PTPRK: variants seen among roughly 807,000 people sequenced by gnomAD.
The protein encoded by PTPRK is receptor-type tyrosine-protein phosphatase kappa.
A neutral mutation model predicts 178.0 loss-of-function variants in PTPRK; 75 were observed. The observed-to-expected ratio is 0.42, with a 90% confidence interval of 0.35 to 0.51. The LOEUF is 0.51. PTPRK is among the 20% of genes least tolerant of loss of function. PTPRK has a pLI of 0.02. For synonymous variants in PTPRK, 637 were observed against 620.6 expected (o/e 1.03, Z -0.39); for missense variants, 1,441 against 1,797.8 (o/e 0.80, Z 3.59).
At chr6:128,028,694 T>C (rs1232251575) in intron 13 of PTPRK, among the ~76,000 whole-genome samples, 2 of 152,226 alleles carry the variant, frequency 1.3e-5, no homozygotes, top group Non-Finnish European at 2.9e-5. Flanking sequence ...CTTGAGAGCA[T>C]GGAACATATC....
chr6:128,502,315 A>G (rs1020167253), intron 1 of PTPRK, among the ~76,000 whole-genome samples: 1 of 152,174 alleles, frequency 6.6e-6, no homozygotes, highest in Non-Finnish European at 1.5e-5. Flanking sequence ...AAACAGAAAA[A>G]CAGTCTTCTT....
chr6:128,493,645 C>CAG (rs1562636221), intron 1 of PTPRK, among the ~76,000 whole-genome samples: 3 of 126,440 alleles, frequency 2.4e-5, no homozygotes, highest in African/African-American at 5.6e-5. Context: ...CACACACACA[C>CAG]AGAAACAACT....
At chr6:128,029,646 A>ATAATAG (rs1774943835) in intron 13 of PTPRK, among the ~76,000 whole-genome samples, 1 of 129,772 alleles carries the variant, frequency 7.7e-6, no homozygotes, top group Non-Finnish European at 1.6e-5. Flanking sequence ...CAAAATAATA[A>ATAATAG]TAATAATAAT....
intron 15 of PTPRK, among the ~76,000 whole-genome samples, chr6:128,001,661 A>C (rs1287720586): frequency 6.6e-6 from 1 of 151,784 alleles, no homozygotes. Context: ...TTATAATAAA[A>C]CCCCATGAAA....
intron 6 of PTPRK, among the ~76,000 whole-genome samples, chr6:128,197,755 A>C (rs185286245): frequency 7.2e-5 from 11 of 152,158 alleles, no homozygotes; most frequent in Admixed American, 5.2e-4. Context: ...TACGGTAGAC[A>C]ACAAAAAGAA....
chr6:128,448,920 C>A (rs1847390306), intron 1 of PTPRK, among the ~76,000 whole-genome samples: 1 of 152,140 alleles, frequency 6.6e-6, no homozygotes, highest in South Asian at 2.1e-4. Flanking sequence ...AGCACAATGG[C>A]ATGATCTCGG....
At chr6:128,507,081 G>T (rs1218377061) in intron 1 of PTPRK, among the ~76,000 whole-genome samples, 3 of 152,074 alleles carry the variant, frequency 2.0e-5, no homozygotes, top group Non-Finnish European at 4.4e-5. Context: ...GTCAGATCAT[G>T]TAGTAAAAAC....
chr6:128,064,655 T>C lies in PTPRK; in HGVS notation c.2194+103A>G, dbSNP rs1039135561. 6 of 1,441,844 alleles carry C rather than the reference T, an allele frequency of 4.2e-6. No individual in the cohort carries two copies. The Admixed American group carries it at 1.0e-4, about 25-fold the overall frequency. The allele number at this position is 1,441,844 out of a possible 1,614,324, so 89.3% of individuals were successfully genotyped here. A position where few individuals can be genotyped will look rare whatever the true frequency, so the allele number is the denominator to read the frequency against. On this transcript the variant is annotated intron_variant, in intron 13 of 29. Coordinates refer to ENST00000368226, the MANE Select transcript of PTPRK (RefSeq NM_002844.4). ...CCCACATGAGTCACAGAACTAACTA[T>C]AACAGAAATGTCATATTTAGCCCTG...
chr6:128,360,096 C>T (rs1296185480), intron 2 of PTPRK, among the ~76,000 whole-genome samples: 1 of 151,930 alleles, frequency 6.6e-6, no homozygotes, highest in Non-Finnish European at 1.5e-5. Flanking sequence ...TGAATTTTAC[C>T]AAGATTTTAT....
chr6:128,460,417 C>A (rs1471123989), intron 1 of PTPRK, among the ~76,000 whole-genome samples: 2 of 151,990 alleles, frequency 1.3e-5, no homozygotes, highest in African/African-American at 2.4e-5. Flanking sequence ...TGATGCATGC[C>A]TGAAGTCCCA....
At chr6:128,121,981 G>T (rs1257247604) in intron 7 of PTPRK, among the ~76,000 whole-genome samples, 1 of 152,042 alleles carries the variant, frequency 6.6e-6, no homozygotes, top group East Asian at 1.9e-4. Flanking sequence ...TCCATAAAGG[G>T]CAGTTAACAC....
At chr6:128,266,731 G>C (rs1298376055) in intron 3 of PTPRK, among the ~76,000 whole-genome samples, 1 of 152,016 alleles carries the variant, frequency 6.6e-6, no homozygotes, top group East Asian at 1.9e-4. Context: ...AAGCTCACAG[G>C]GAGTCAGAAA....
intron 2 of PTPRK, among the ~76,000 whole-genome samples, chr6:128,328,389 A>G (rs775270526): frequency 4.6e-5 from 7 of 152,190 alleles, no homozygotes; most frequent in Non-Finnish European, 8.8e-5. Context: ...TAGATTACCA[A>G]TTGAATGAGG....
rs564224382 is a variant in PTPRK, at chr6:128,053,191, C to A, written c.2194+11567G>T. ...ACACACACACACACACACCCCTATA[C>A]ACACAGTTTCACCTGTGTTTTTTAA... On this transcript the variant is annotated intron_variant, in intron 13 of 29. Transcript: ENST00000368226. Among the ~76,000 whole-genome samples the A allele has an allele frequency of 3.3e-5, 5 of 149,650 alleles. No individual in the cohort carries two copies. In the East Asian group the frequency reaches 9.7e-4, roughly 29 times the overall value.
At chr6:128,280,547 G>A (rs1452726937) in intron 3 of PTPRK, among the ~76,000 whole-genome samples, 1 of 152,082 alleles carries the variant, frequency 6.6e-6, no homozygotes, top group Admixed American at 6.6e-5. Context: ...TACTTTCTGT[G>A]TTCAAAAGGC....
At chr6:128,205,608 A>G (rs190513869) in intron 6 of PTPRK, among the ~76,000 whole-genome samples, 13 of 151,636 alleles carry the variant, frequency 8.6e-5, no homozygotes, top group Non-Finnish European at 1.6e-4. Context: ...CCCCATCTCT[A>G]TTAAAAATAC....
intron 7 of PTPRK, among the ~76,000 whole-genome samples, chr6:128,121,901 T>A (rs1199977703): frequency 3.3e-5 from 5 of 151,916 alleles, no homozygotes; most frequent in African/African-American, 4.8e-5. Context: ...AAAAAATGAG[T>A]CAATATAGAA....
chr6:128,000,077 C>G lies in PTPRK; in HGVS notation c.2495-1173G>C, dbSNP rs751979792. The G allele has an allele frequency of 3.2e-4, 312 of 968,260 alleles. 1 individual carries two copies. The highest frequency in any genetic ancestry group is 3.8e-4 in the Non-Finnish European group (306 of 814,140). 60.0% of individuals were successfully genotyped at this position (968,260 alleles called of 1,614,324 possible). A position where few individuals can be genotyped will look rare whatever the true frequency, so the allele number is the denominator to read the frequency against. On this transcript the variant is annotated intron_variant, in intron 15 of 29. Transcript: ENST00000368226. ...ATATTTATCACATTTAAACTTACCACTTAAAAAAAAAAACAAATGTTTTAA... is the reference window on the plus strand; with the variant it reads ...ATATTTATCACATTTAAACTTACCAGTTAAAAAAAAAAACAAATGTTTTAA...
intron 7 of PTPRK, 39 bp from the exon 8 acceptor site, chr6:128,090,031 T>G (rs7759323): frequency 2.1e-6 from 3 of 1,460,812 alleles, no homozygotes; most frequent in Non-Finnish European, 2.9e-6. Context: ...CTGTCTATTA[T>G]ATCATGAATA....
Sources: gnomAD v4.1 joint callset for allele counts (sites outside exome capture counted in the v4.1 genomes callset) on GRCh38, gnomAD v4.1.1 for gene constraint, MANE v1.5 for transcripts, NCBI Gene and HGNC (gene_info 2026-07-23, HGNC 2026-07-21) for gene names.